The following TMPRSS11F variants were observed in gnomAD, a reference collection of about 807,000 sequenced individuals.
The protein encoded by TMPRSS11F is transmembrane protease serine 11F.
A neutral mutation model predicts 60.2 loss-of-function variants in TMPRSS11F; 47 were observed. The ratio of observed to expected loss-of-function variants is 0.78; its 90% CI spans 0.62 to 1.00. The LOEUF is 1.00. Ranked by LOEUF, TMPRSS11F falls within the 50% of genes least tolerant of loss-of-function variation. The pLI, the probability that TMPRSS11F is intolerant of heterozygous loss-of-function variation, is 0.00. For synonymous variants in TMPRSS11F, 166 were observed against 167.3 expected (o/e 0.99, Z 0.06); for missense variants, 519 against 522.9 (o/e 0.99, Z 0.07).
Position 68,053,253 on chromosome 4 carries a change from T to C in TMPRSS11F, c.*656A>G, listed in dbSNP as rs1722979389. The stretch of plus-strand genomic sequence containing the variant: ...TAGATGGCAAGATGCTGTTAAAGAA[T>C]AAATCAGAAAAGCTTCTTAACAACA... On this transcript the variant is annotated 3_prime_UTR_variant, in exon 10 of 10. Coordinates refer to ENST00000356291, the MANE Select transcript of TMPRSS11F (RefSeq NM_207407.2). 1 of 152,406 alleles carries C rather than the reference T, an allele frequency of 6.6e-6. No homozygotes were observed. Among genetic ancestry groups the C allele is most frequent in the Non-Finnish European group, 1.5e-5 (1 of 67,964 alleles). 9.4% of individuals were successfully genotyped at this position (152,406 alleles called of 1,614,324 possible).
intron 3 of TMPRSS11F, chr4:68,077,621 C>T (rs1246642238): frequency 3.9e-5 from 6 of 152,218 alleles, no homozygotes; most frequent in Non-Finnish European, 8.8e-5. Context: ...GATAAGGATT[C>T]CTCTTTGAAG....
chr4:68,090,709 C>A, intron 2 of TMPRSS11F, 68 bp from the exon 3 acceptor site: 1 of 1,525,750 alleles, frequency 6.6e-7, no homozygotes, highest in Non-Finnish European at 8.8e-7. Context: ...CTACGTCTTG[C>A]CCACACCTGC....
At chr4:68,073,848 T>C in intron 4 of TMPRSS11F, 94 bp downstream of exon 4, 1 of 701,692 alleles carries the variant, frequency 1.4e-6, no homozygotes. Context: ...TCTGTGTTGC[T>C]GTAAAGACTT....
At chr4:68,129,313 T>G (rs1724774211) in intron 1 of TMPRSS11F, among the ~76,000 whole-genome samples, 1 of 152,134 alleles carries the variant, frequency 6.6e-6, no homozygotes, top group African/African-American at 2.4e-5. Context: ...TATTTTAATT[T>G]TAATCATTTC....
chr4:68,056,347 T>TACAA (rs1006995949), intron 9 of TMPRSS11F, among the ~76,000 whole-genome samples: 3 of 150,150 alleles, frequency 2.0e-5, no homozygotes, highest in Non-Finnish European at 4.4e-5. Flanking sequence ...AAAATCAATA[T>TACAA]ACAAAACTCA....
intron 1 of TMPRSS11F, among the ~76,000 whole-genome samples, chr4:68,123,362 T>C (rs1291619622): frequency 6.6e-6 from 1 of 152,164 alleles, no homozygotes; most frequent in Non-Finnish European, 1.5e-5. Context: ...GTCTATGTCA[T>C]CTAAAGAGGA....
At chr4:68,129,764 C>T in intron 1 of TMPRSS11F, 46 bp downstream of exon 1, 1 of 1,601,402 alleles carries the variant, frequency 6.2e-7, no homozygotes, top group Non-Finnish European at 8.6e-7. Context: ...AATTGTAAAC[C>T]TCTGTCCCCA....
At position 68,098,849 on chromosome 4, in the gene TMPRSS11F, G is replaced by T. The variant is rs765245292; in HGVS notation, c.163+38C>A. 3 of 1,550,866 alleles carry T rather than the reference G, an allele frequency of 1.9e-6. No individual in the cohort carries two copies. The Admixed American group carries it at 6.0e-5, about 31-fold the overall frequency. ...GAAAATTTCAAGATACGAAGTCATG[G>T]AGTACTTAGGCAATGGAACTGTGAC... On this transcript the variant is annotated intron_variant, in intron 2 of 9. Coordinates refer to ENST00000356291, the MANE Select transcript of TMPRSS11F (RefSeq NM_207407.2).
Position 68,068,633 on chromosome 4 carries a change from G to A in TMPRSS11F, c.740C>T (p.Ala247Val), listed in dbSNP as rs1238002990. 1 of 1,613,932 alleles carries A rather than the reference G, an allele frequency of 6.2e-7. No homozygotes were observed. The highest frequency in any genetic ancestry group is 1.3e-5 in the African/African-American group (1 of 74,926). The change falls in exon 7 of 10, where the codon GCT becomes GTT. Residue 247 changes from alanine to valine, a missense_variant. Coordinates refer to ENST00000356291, the MANE Select transcript of TMPRSS11F (RefSeq NM_207407.2). ...LISNTWLLTA[A>V]HCFWKNKDPT... ...GTTAACTTACTTCCAAAAGCAGTGA[G>A]CTGCTGTGAGCAGCCATGTGTTACT...
intron 1 of TMPRSS11F, among the ~76,000 whole-genome samples, chr4:68,111,189 C>T (rs1207479190): frequency 6.6e-6 from 1 of 152,088 alleles, no homozygotes; most frequent in Non-Finnish European, 1.5e-5. Flanking sequence ...CTACTTTTCC[C>T]AGTTGGAGCT....
intron 8 of TMPRSS11F, among the ~76,000 whole-genome samples, 162 bp from the exon 9 acceptor site, chr4:68,059,630 A>G (rs1163311463): frequency 6.6e-6 from 1 of 152,250 alleles, no homozygotes; most frequent in East Asian, 1.9e-4. Context: ...GCAAGGAATC[A>G]TAAACATACA....
intron 4 of TMPRSS11F, among the ~76,000 whole-genome samples, chr4:68,073,587 A>G (rs1448318922): frequency 6.6e-6 from 1 of 152,232 alleles, no homozygotes; most frequent in Non-Finnish European, 1.5e-5. Context: ...TACTGTGGAG[A>G]AAGTCATTGT....
At chr4:68,069,132 T>C (rs1026683526) in intron 6 of TMPRSS11F, among the ~76,000 whole-genome samples, 3 of 152,170 alleles carry the variant, frequency 2.0e-5, no homozygotes, top group African/African-American at 4.8e-5. Flanking sequence ...TATAGAAACA[T>C]ACCTTTTAGA....
At chr4:68,056,880 A>G (rs1287766631) in intron 9 of TMPRSS11F, among the ~76,000 whole-genome samples, 1 of 152,218 alleles carries the variant, frequency 6.6e-6, no homozygotes, top group Non-Finnish European at 1.5e-5. Flanking sequence ...AGAAAAAAAC[A>G]CATATATTTA....
intron 3 of TMPRSS11F, among the ~76,000 whole-genome samples, chr4:68,076,371 A>G (rs931008355): frequency 5.9e-5 from 9 of 152,234 alleles, no homozygotes; most frequent in South Asian, 2.1e-4. Flanking sequence ...TAGAAAATCA[A>G]CTGTCTCAAT....
Position 68,068,634 on chromosome 4 carries a change from C to G in TMPRSS11F, c.739G>C (p.Ala247Pro). The change falls in exon 7 of 10, where the codon GCT becomes CCT. Residue 247 changes from alanine to proline, a missense_variant. By Grantham distance (27) the Ala-to-Pro change is conservative. Transcript: ENST00000356291. ...LISNTWLLTA[A>P]HCFWKNKDPT... ...TTAACTTACTTCCAAAAGCAGTGAG[C>G]TGCTGTGAGCAGCCATGTGTTACTG... 6.2e-7 allele frequency: 1 copy of G among 1,614,130 alleles called. No individual in the cohort carries two copies. Among genetic ancestry groups the G allele is most frequent in the Non-Finnish European group, 8.5e-7 (1 of 1,179,982 alleles).
At chr4:68,066,031 G>A (rs377206928) in intron 7 of TMPRSS11F, among the ~76,000 whole-genome samples, 2 of 149,042 alleles carry the variant, frequency 1.3e-5, no homozygotes, top group Admixed American at 1.4e-4. Flanking sequence ...CAGGAGAATC[G>A]CTTGTTGAAC....
intron 1 of TMPRSS11F, among the ~76,000 whole-genome samples, chr4:68,114,969 A>G (rs1724484707): frequency 6.8e-6 from 1 of 146,010 alleles, no homozygotes; most frequent in Non-Finnish European, 1.5e-5. Context: ...TCTGAAAAAA[A>G]CTTAACCTTA....
At chr4:68,065,945 G>A (rs1309596209) in intron 7 of TMPRSS11F, among the ~76,000 whole-genome samples, 8 of 151,882 alleles carry the variant, frequency 5.3e-5, no homozygotes, top group African/African-American at 1.9e-4. Context: ...GTGAAACCCC[G>A]TTTCTACTAA....
Sources: gnomAD v4.1 joint callset for allele counts (sites outside exome capture counted in the v4.1 genomes callset) on GRCh38, gnomAD v4.1.1 for gene constraint, MANE v1.5 for transcripts, NCBI Gene and HGNC (gene_info 2026-07-23, HGNC 2026-07-21) for gene names.